MAGI2: variants seen among roughly 807,000 people sequenced by gnomAD.
The protein encoded by MAGI2 is membrane associated guanylate kinase, WW and PDZ domain containing 2, also known as membrane-associated guanylate kinase, WW and PDZ domain-containing protein 2.
MAGI2 carries 35 observed loss-of-function variants against 133.3 expected under a neutral mutation model. The ratio of observed to expected loss-of-function variants is 0.26; its 90% CI spans 0.20 to 0.35. MAGI2 has a LOEUF of 0.35. Ranked by LOEUF, MAGI2 falls within the 10% of genes least tolerant of loss-of-function variation. The pLI is 1.00. For synonymous variants in MAGI2, 729 were observed against 710.6 expected (o/e 1.03, Z -0.41); for missense variants, 1,636 against 1,863.4 (o/e 0.88, Z 2.25).
intron 13 of MAGI2, among the ~76,000 whole-genome samples, chr7:78,181,535 A>G (rs1584292361): frequency 6.6e-6 from 1 of 152,336 alleles, no homozygotes; most frequent in East Asian, 1.9e-4. Context: ...CTAAGAGGAC[A>G]CAAAGCATTC....
chr7:79,446,281 C>A (rs560902856), intron 1 of MAGI2, among the ~76,000 whole-genome samples: 1 of 151,960 alleles, frequency 6.6e-6, no homozygotes, highest in Non-Finnish European at 1.5e-5. Context: ...CTAACCTGCA[C>A]GTTGAGCACG....
At chr7:78,091,267 G>GT (rs1817181324) in intron 20 of MAGI2, among the ~76,000 whole-genome samples, 1 of 152,024 alleles carries the variant, frequency 6.6e-6, no homozygotes, top group Non-Finnish European at 1.5e-5. Context: ...TCTTTGGGAG[G>GT]TTTTTGGGTC....
chr7:78,097,046 A>G (rs1055547752), intron 20 of MAGI2, among the ~76,000 whole-genome samples: 2 of 152,184 alleles, frequency 1.3e-5, no homozygotes, highest in Non-Finnish European at 2.9e-5. Flanking sequence ...CATGTGCCCA[A>G]CAAGCATATG....
chr7:78,634,574 C>G (rs1317364798), intron 2 of MAGI2, among the ~76,000 whole-genome samples: 1 of 152,154 alleles, frequency 6.6e-6, no homozygotes, highest in Non-Finnish European at 1.5e-5. Flanking sequence ...AAGTGTTGTA[C>G]AATGGTAATT....
chr7:79,416,393 G>A (rs561978799), intron 1 of MAGI2, among the ~76,000 whole-genome samples: 1 of 151,852 alleles, frequency 6.6e-6, no homozygotes, highest in African/African-American at 2.4e-5. Context: ...AGAAGGAAGG[G>A]GGGAAGAAAG....
intron 2 of MAGI2, among the ~76,000 whole-genome samples, chr7:78,957,377 G>C (rs1343924596): frequency 6.6e-6 from 1 of 150,544 alleles, no homozygotes; most frequent in Admixed American, 6.6e-5. Context: ...TTTCTAAAAT[G>C]TTTTTGGTTT....
chr7:79,253,170 G>A (rs964749564), intron 1 of MAGI2, among the ~76,000 whole-genome samples: 16 of 152,048 alleles, frequency 1.1e-4, no homozygotes, highest in African/African-American at 3.4e-4. Flanking sequence ...TATTATATGA[G>A]CTTTATTATT....
Position 78,464,458 on chromosome 7 carries a change from C to T in MAGI2, c.1045+25303G>A, listed in dbSNP as rs181877433. 2.4e-3 allele frequency among the ~76,000 whole-genome samples: 366 copies of T among 152,180 alleles called. 2 individuals carry two copies. The highest frequency in any genetic ancestry group is 8.4e-3 in the African/African-American group (347 of 41,518). ...TTGTGTCAACCCTACTGCTCATATC[C>T]CCCTATACCTGTAGCCCTTTTAAAG... On this transcript the variant is annotated intron_variant, in intron 6 of 21. Transcript: ENST00000354212.
chr7:79,293,788 C>T lies in MAGI2; in HGVS notation c.301+159232G>A, dbSNP rs978923758. Among the ~76,000 whole-genome samples, 4 of 152,176 alleles carry T rather than the reference C, an allele frequency of 2.6e-5. No individual in the cohort carries two copies. In the South Asian group the frequency reaches 8.3e-4, roughly 31 times the overall value. On this transcript the variant is annotated intron_variant, in intron 1 of 21. Coordinates refer to ENST00000354212, the MANE Select transcript of MAGI2 (RefSeq NM_012301.4). ...CGGGAGACCTCTCAGGCCTCCTAGT[C>T]ATTAAATAAACATTTGCTCAAGCGC... is the stretch of plus-strand genomic sequence containing the variant.
At chr7:78,213,168 A>G (rs1280810300) in intron 10 of MAGI2, among the ~76,000 whole-genome samples, 2 of 137,110 alleles carry the variant, frequency 1.5e-5, no homozygotes, top group African/African-American at 5.0e-5. Context: ...GACTATAGCA[A>G]GAGCATTTGC....
chr7:79,218,979 T>C (rs1223132062), intron 1 of MAGI2, among the ~76,000 whole-genome samples: 1 of 152,090 alleles, frequency 6.6e-6, no homozygotes, highest in Non-Finnish European at 1.5e-5. Flanking sequence ...GGTCTCTGTC[T>C]ACAGAGAATT....
intron 16 of MAGI2, among the ~76,000 whole-genome samples, chr7:78,152,191 T>C (rs1035779175): frequency 1.3e-5 from 2 of 152,264 alleles, no homozygotes; most frequent in South Asian, 4.1e-4. Flanking sequence ...AGATTAAATA[T>C]GGTGTAAGAT....
intron 1 of MAGI2, among the ~76,000 whole-genome samples, chr7:79,057,940 C>T (rs1205265506): frequency 6.8e-6 from 1 of 148,008 alleles, no homozygotes; most frequent in Admixed American, 6.8e-5. Flanking sequence ...ATTGTTCCTG[C>T]CCAGAAAGGG....
At chr7:79,012,042 G>GCTA (rs1450465520) in intron 1 of MAGI2, 1 of 151,732 alleles carries the variant, frequency 6.6e-6, no homozygotes, top group Non-Finnish European at 1.5e-5. Context: ...TTTGTGCTGA[G>GCTA]CTACTCTGCC....
At chr7:78,960,808 C>T (rs1199999436) in intron 2 of MAGI2, among the ~76,000 whole-genome samples, 1 of 152,122 alleles carries the variant, frequency 6.6e-6, no homozygotes, top group Non-Finnish European at 1.5e-5. Flanking sequence ...TTCCACTTCA[C>T]TCTGATTGGT....
intron 1 of MAGI2, among the ~76,000 whole-genome samples, chr7:79,327,533 C>G (rs1433569922): frequency 1.3e-5 from 2 of 152,026 alleles, no homozygotes; most frequent in African/African-American, 4.8e-5. Context: ...TTATATGTAT[C>G]GCAAAATAAA....
intron 1 of MAGI2, among the ~76,000 whole-genome samples, chr7:79,234,991 T>G (rs1415336555): frequency 1.3e-5 from 2 of 151,848 alleles, no homozygotes; most frequent in Non-Finnish European, 2.9e-5. Flanking sequence ...GTCCTTTCTG[T>G]TTGTTAGTTT....
intron 6 of MAGI2, among the ~76,000 whole-genome samples, chr7:78,397,597 T>C (rs1796472762): frequency 6.6e-6 from 1 of 152,090 alleles, no homozygotes; most frequent in Non-Finnish European, 1.5e-5. Flanking sequence ...AGAGCTAAGG[T>C]ATGACTTTGT....
At chr7:79,365,196 A>G (rs1842621695) in intron 1 of MAGI2, among the ~76,000 whole-genome samples, 1 of 152,242 alleles carries the variant, frequency 6.6e-6, no homozygotes, top group Non-Finnish European at 1.5e-5. Context: ...CTATCACTAT[A>G]TACCTTTCAG....
Sources: allele counts gnomAD v4.1 joint callset (sites outside exome capture counted in the v4.1 genomes callset), GRCh38; gene constraint gnomAD v4.1.1; transcripts MANE v1.5; gene names NCBI Gene and HGNC (gene_info 2026-07-23, HGNC 2026-07-21).